The following OTULIN variants were observed in gnomAD, a reference collection of about 807,000 sequenced individuals.
OTULIN encodes OTU deubiquitinase with linear linkage specificity, also known as ubiquitin thioesterase otulin.
In OTULIN, 15 loss-of-function variants were observed where a neutral mutation model predicts 39.6. The observed-to-expected ratio is 0.38, with a 90% CI of 0.25 to 0.58. OTULIN has a LOEUF of 0.58. Among genes scored for constraint, OTULIN ranks in the 20% least tolerant of loss-of-function variants. The pLI is 0.66. For missense variants in OTULIN, 319 were observed against 445.9 expected (o/e 0.72, Z 2.56); for synonymous variants, 156 against 170.3 (o/e 0.92, Z 0.65).
chr5:14,676,064 T>C (rs1353180111), intron 2 of OTULIN, among the ~76,000 whole-genome samples: 1 of 152,172 alleles, frequency 6.6e-6, no homozygotes, highest in Non-Finnish European at 1.5e-5. Context: ...AGACAAAGAT[T>C]GAGATTCCTA....
At chr5:14,670,549 T>G (rs1477599344) in intron 1 of OTULIN, among the ~76,000 whole-genome samples, 1 of 152,236 alleles carries the variant, frequency 6.6e-6, no homozygotes, top group African/African-American at 2.4e-5. Context: ...ATATATTGAT[T>G]GCGCTTCATT....
At chr5:14,678,292 C>T (rs565508622) in intron 2 of OTULIN, among the ~76,000 whole-genome samples, 1 of 152,228 alleles carries the variant, frequency 6.6e-6, no homozygotes, top group Admixed American at 6.5e-5. Context: ...GGAGCCCACT[C>T]AGTGGGGAAT....
chr5:14,705,824 T>G, the OTULIN span: 1 of 152,480 alleles, frequency 6.6e-6, no homozygotes, highest in African/African-American at 2.4e-5. Context: ...TGGTTTGAAC[T>G]TAGCTTTCAG....
chr5:14,707,857 C>G, the OTULIN span: 4 of 152,152 alleles, frequency 2.6e-5, no homozygotes, highest in African/African-American at 9.7e-5. Flanking sequence ...AAAGTAAAAA[C>G]AAAGGAAGAG....
Position 14,699,514 on chromosome 5 carries a change from CTT to C in OTULIN, c.*6470_*6471del, listed in dbSNP as rs886441887. 1.3e-5 allele frequency: 2 copies of C among 152,230 alleles called. No individual in the cohort carries two copies. Among genetic ancestry groups the C allele is most frequent in the Non-Finnish European group, 2.9e-5 (2 of 68,054 alleles). The allele number at this position is 152,230 out of a possible 1,614,324, so 9.4% of individuals were successfully genotyped here. On this transcript the variant is annotated 3_prime_UTR_variant, in exon 7 of 7. Transcript: ENST00000284274. ...TGGCCCATTCATTTGGATTGATACA[CTT>C]TTTCAGTGTCAGAAATGCACTTTCT...
At chr5:14,713,992 C>T in the OTULIN span, among the ~76,000 whole-genome samples, 2 of 152,254 alleles carry the variant, frequency 1.3e-5, no homozygotes, top group African/African-American at 4.8e-5. The surrounding 1 kb of genome is among the most constrained non-coding windows in gnomAD (Gnocchi z 4.4). Context: ...CAGCCTCGCC[C>T]TCTGATCATC....
chr5:14,664,937 A>ACGGCGCGGGACG lies in OTULIN; in HGVS notation c.112_113insCGGCGCGGGACG (p.Ser38delinsThrAlaArgAspGly). ...GCGGGACGGCGGGAAGGCGGCGGCC[A>ACGGCGCGGGACG]GCGGGCAGCCGCGGCCCGAGATGCA... On this transcript the variant is annotated protein_altering_variant, in exon 1 of 7. Coordinates refer to ENST00000284274, the MANE Select transcript of OTULIN (RefSeq NM_138348.6). 1.7e-6 allele frequency: 2 copies of ACGGCGCGGGACG among 1,148,648 alleles called. No individual in the cohort carries two copies. Among genetic ancestry groups the ACGGCGCGGGACG allele is most frequent in the Non-Finnish European group, 1.1e-6 (1 of 935,308 alleles). The allele number at this position is 1,148,648 out of a possible 1,614,324, so 71.2% of individuals were successfully genotyped here.
chr5:14,684,863 T>C (rs559351610), intron 4 of OTULIN, among the ~76,000 whole-genome samples: 1 of 152,350 alleles, frequency 6.6e-6, no homozygotes, highest in Non-Finnish European at 1.5e-5. Flanking sequence ...CTGGCCTTGC[T>C]CTGTTCCCTG....
chr5:14,669,115 G>A (rs1735920637), intron 1 of OTULIN, among the ~76,000 whole-genome samples: 1 of 152,174 alleles, frequency 6.6e-6, no homozygotes, highest in Non-Finnish European at 1.5e-5. Context: ...TGTAATCCCA[G>A]CACTTTTGGA....
downstream of OTULIN, among the ~76,000 whole-genome samples, chr5:14,700,371 G>C (rs1295901500): frequency 1.3e-5 from 2 of 152,294 alleles, no homozygotes; most frequent in African/African-American, 4.8e-5. Flanking sequence ...GGTTACGGGA[G>C]GGAGGGCTGT....
chr5:14,700,348 T>C (rs971590467), downstream of OTULIN, among the ~76,000 whole-genome samples: 4 of 152,148 alleles, frequency 2.6e-5, no homozygotes, highest in South Asian at 4.1e-4. Flanking sequence ...GAAGAGAGCA[T>C]TGAAGACCAG....
At chr5:14,673,795 TTCA>T in intron 2 of OTULIN, 77 bp downstream of exon 2, 1 of 1,202,508 alleles carries the variant, frequency 8.3e-7, no homozygotes, top group Non-Finnish European at 1.2e-6. Flanking sequence ...TATAACCATT[TTCA>T]TAAAATATCA....
chr5:14,712,461 T>TG, the OTULIN span, among the ~76,000 whole-genome samples: 1 of 152,264 alleles, frequency 6.6e-6, no homozygotes, highest in Non-Finnish European at 1.5e-5. Flanking sequence ...CCAGAGAGGC[T>TG]GCCCGAGCTC....
chr5:14,700,701 C>T (rs952196643), downstream of OTULIN, among the ~76,000 whole-genome samples: 39 of 149,800 alleles, frequency 2.6e-4, no homozygotes, highest in African/African-American at 6.1e-4. Context: ...CCACCTTTCA[C>T]GGAGCTCTTG....
the OTULIN span, chr5:14,710,998 G>A: frequency 3.3e-6 from 2 of 610,126 alleles, no homozygotes; most frequent in Non-Finnish European, 3.0e-6. Flanking sequence ...CAACAGTAAA[G>A]ACCATTCACT....
chr5:14,709,019 G>C, the OTULIN span: 2 of 152,058 alleles, frequency 1.3e-5, no homozygotes, highest in African/African-American at 4.8e-5. Flanking sequence ...TCAGCCTCCT[G>C]AGTAGCTGGG....
intron 4 of OTULIN, among the ~76,000 whole-genome samples, chr5:14,683,967 C>G (rs941283513): frequency 6.6e-6 from 1 of 152,100 alleles, no homozygotes; most frequent in African/African-American, 2.4e-5. Context: ...ATCACTGTTA[C>G]AATATGTTGC....
At chr5:14,712,898 A>G in the OTULIN span, 2 of 1,612,282 alleles carry the variant, frequency 1.2e-6, no homozygotes, top group African/African-American at 1.3e-5. Flanking sequence ...CATAGCACGC[A>G]GCGATGGCGA....
the OTULIN span, chr5:14,710,967 G>T: frequency 2.3e-5 from 12 of 527,928 alleles, no homozygotes; most frequent in Non-Finnish European, 3.4e-5. Flanking sequence ...GAAGTCAGTT[G>T]TTTCGTTTGT....
Sources: gnomAD v4.1 joint callset for allele counts (sites outside exome capture counted in the v4.1 genomes callset) on GRCh38, gnomAD v4.1.1 for gene constraint, Gnocchi (gnomAD v3.1) non-coding constraint, MANE v1.5 for transcripts, NCBI Gene and HGNC (gene_info 2026-07-23, HGNC 2026-07-21) for gene names.